DOK6: variants seen among roughly 807,000 people sequenced by gnomAD.
DOK6 encodes docking protein 6.
DOK6 carries 22 observed loss-of-function variants against 44.0 expected under a neutral mutation model. The observed-to-expected ratio is 0.50, with a 90% CI of 0.36 to 0.71. The LOEUF (loss-of-function observed/expected upper bound fraction) is 0.71. DOK6 is among the 30% of genes least tolerant of loss of function. The probability of loss-of-function intolerance (pLI) is 0.00; values close to 1 mark genes in which losing one functional copy is unlikely to be tolerated. For missense variants in DOK6, 340 were observed against 416.4 expected (o/e 0.82, Z 1.60); for synonymous variants, 166 against 145.5 (o/e 1.14, Z -1.01).
chr18:69,626,238 C>G (rs1021890735), intron 3 of DOK6, among the ~76,000 whole-genome samples: 4 of 152,136 alleles, frequency 2.6e-5, no homozygotes, highest in African/African-American at 9.7e-5. Flanking sequence ...AATCATTTGG[C>G]CATCCCATTT....
intron 1 of DOK6, among the ~76,000 whole-genome samples, chr18:69,448,651 GGTGTGAGCCACC>G (rs1979365245): frequency 6.6e-6 from 1 of 152,186 alleles, no homozygotes; most frequent in Non-Finnish European, 1.5e-5. Flanking sequence ...TGGGATTACA[GGTGTGAGCCACC>G]GTGCCCAGCC....
In DOK6 at chr18:69,846,013, G is replaced by A. The variant is rs1021550632; in HGVS notation, c.*4630G>A. The stretch of plus-strand genomic sequence containing the variant: ...GTGAGACAAGCTCACACTCTCATGT[G>A]TGCATTCTCTATTAACATATTTGGA... On this transcript the variant is annotated 3_prime_UTR_variant, in exon 8 of 8. Transcript: ENST00000382713. The A allele has an allele frequency of 2.0e-5, 3 of 152,172 alleles. No homozygotes were observed. The highest frequency in any genetic ancestry group is 2.9e-5 in the Non-Finnish European group (2 of 68,042). 9.4% of individuals were successfully genotyped at this position (152,172 alleles called of 1,614,324 possible). A position where few individuals can be genotyped will look rare whatever the true frequency, so the allele number is the denominator to read the frequency against.
intron 3 of DOK6, among the ~76,000 whole-genome samples, chr18:69,612,397 CTTTGTGTGCGAG>C (rs1423073328): frequency 9.7e-5 from 4 of 41,094 alleles, no homozygotes; most frequent in African/African-American, 3.2e-4. Flanking sequence ...CACGAAGAGA[CTTTGTGTGCGAG>C]GGCGCATGTG....
intron 2 of DOK6, 42 bp downstream of exon 2, chr18:69,564,636 C>T (rs747338294): frequency 6.8e-7 from 1 of 1,476,960 alleles, no homozygotes; most frequent in Non-Finnish European, 9.3e-7. Flanking sequence ...TAACTGGGCC[C>T]TTGAAGACTT....
At chr18:69,449,462 G>A (rs1004978135) in intron 1 of DOK6, among the ~76,000 whole-genome samples, 3 of 152,138 alleles carry the variant, frequency 2.0e-5, no homozygotes, top group Non-Finnish European at 4.4e-5. Context: ...AAATACCTTA[G>A]CATTTGAAAT....
At chr18:69,449,139 T>C (rs1979380998) in intron 1 of DOK6, among the ~76,000 whole-genome samples, 1 of 152,242 alleles carries the variant, frequency 6.6e-6, no homozygotes, top group Admixed American at 6.5e-5. Flanking sequence ...TGGTCTTTAA[T>C]TACTAGTTTT....
intron 7 of DOK6, among the ~76,000 whole-genome samples, chr18:69,788,232 A>C (rs1980491154): frequency 6.6e-6 from 1 of 152,198 alleles, no homozygotes; most frequent in South Asian, 2.1e-4. Flanking sequence ...AGTTCTCCTC[A>C]CAAAGCAGGA....
chr18:69,617,335 A>AGAAG (rs1187807291), intron 3 of DOK6, among the ~76,000 whole-genome samples: 1 of 151,488 alleles, frequency 6.6e-6, no homozygotes, highest in African/African-American at 2.4e-5. Flanking sequence ...AAGAAAAGAA[A>AGAAG]GAAAGAAAGA....
intron 1 of DOK6, among the ~76,000 whole-genome samples, chr18:69,538,619 G>A (rs1042053935): frequency 6.6e-6 from 1 of 152,026 alleles, no homozygotes; most frequent in East Asian, 1.9e-4. Context: ...CTAGGCTCAA[G>A]CAATCTGAGC....
chr18:69,457,521 GT>G (rs201393787), intron 1 of DOK6, among the ~76,000 whole-genome samples: 2,398 of 152,252 alleles, frequency 0.016, 27 homozygotes, highest in Non-Finnish European at 0.024. Flanking sequence ...GTAGTATGCT[GT>G]TTTGGTTACT....
intron 1 of DOK6, among the ~76,000 whole-genome samples, chr18:69,469,293 G>T (rs948856690): frequency 1.3e-5 from 2 of 152,220 alleles, no homozygotes; most frequent in Admixed American, 6.5e-5. Flanking sequence ...GTAATTATTA[G>T]ATTTATACAA....
At position 69,797,969 on chromosome 18, in the gene DOK6, G is replaced by A. The variant is rs569338821; in HGVS notation, c.856+40096G>A. On this transcript the variant is annotated intron_variant, in intron 7 of 7. Transcript: ENST00000382713. ...TAGAACTACCAATAGCCTTGACAAA[G>A]ATTCAAAGCCGAATCTAATCAAGAC... Among the ~76,000 whole-genome samples, 8 of 152,182 alleles carry A rather than the reference G, an allele frequency of 5.3e-5. No individual in the cohort carries two copies. The South Asian group carries it at 1.7e-3, about 32-fold the overall frequency.
intron 4 of DOK6, among the ~76,000 whole-genome samples, chr18:69,688,743 A>C (rs1986205456): frequency 6.6e-6 from 1 of 152,162 alleles, no homozygotes; most frequent in South Asian, 2.1e-4. Flanking sequence ...GCTGGTCTCG[A>C]ACTCTTGACC....
chr18:69,569,972 T>C (rs1983074926), intron 2 of DOK6, among the ~76,000 whole-genome samples: 1 of 151,956 alleles, frequency 6.6e-6, no homozygotes, highest in South Asian at 2.1e-4. Flanking sequence ...TTCTCACTTA[T>C]AAGTGAGAGC....
At chr18:69,712,385 A>G (rs1599279168) in intron 5 of DOK6, among the ~76,000 whole-genome samples, 1 of 145,042 alleles carries the variant, frequency 6.9e-6, no homozygotes, top group African/African-American at 2.5e-5. Flanking sequence ...GAACACTTTT[A>G]TGAAAGAGGC....
At chr18:69,494,002 G>C (rs771618878) in intron 1 of DOK6, among the ~76,000 whole-genome samples, 4 of 152,016 alleles carry the variant, frequency 2.6e-5, no homozygotes, top group Non-Finnish European at 5.9e-5. Context: ...AGTAACCTGG[G>C]GTCTGTTTCA....
intron 1 of DOK6, among the ~76,000 whole-genome samples, chr18:69,540,212 G>A (rs926676371): frequency 6.6e-6 from 1 of 152,134 alleles, no homozygotes; most frequent in Non-Finnish European, 1.5e-5. Context: ...CCATATCAAT[G>A]TTTGTTATAC....
intron 1 of DOK6, among the ~76,000 whole-genome samples, chr18:69,438,018 T>C (rs555567915): frequency 3.4e-4 from 52 of 152,330 alleles, no homozygotes; most frequent in African/African-American, 1.3e-3. Context: ...CAGTGTGTAG[T>C]AATATTTTGC....
At chr18:69,647,947 G>C (rs1266472550) in intron 3 of DOK6, among the ~76,000 whole-genome samples, 1 of 152,048 alleles carries the variant, frequency 6.6e-6, no homozygotes, top group African/African-American at 2.4e-5. Flanking sequence ...CCCAGGGAGA[G>C]CCAGAATGAA....
Sources: gnomAD v4.1 joint callset for allele counts (sites outside exome capture counted in the v4.1 genomes callset) on GRCh38, gnomAD v4.1.1 for gene constraint, MANE v1.5 for transcripts, NCBI Gene and HGNC (gene_info 2026-07-23, HGNC 2026-07-21) for gene names.